XPR1: variants seen among roughly 807,000 people sequenced by gnomAD.
XPR1 encodes the protein xenotropic and polytropic retrovirus receptor 1, also known as solute carrier family 53 member 1.
In XPR1, 28 loss-of-function variants were observed where a neutral mutation model predicts 87.5. The ratio of observed to expected loss-of-function variants is 0.32; its 90% CI spans 0.24 to 0.44. XPR1 has a LOEUF of 0.44. Ranked by LOEUF, XPR1 falls within the 20% of genes least tolerant of loss-of-function variation. XPR1 has a pLI of 1.00. For missense variants in XPR1, 559 were observed against 862.3 expected (o/e 0.65, Z 4.41); for synonymous variants, 300 against 306.1 (o/e 0.98, Z 0.21).
At chr1:180,799,001 C>G (rs1460343375) in intron 3 of XPR1, among the ~76,000 whole-genome samples, 39 of 152,104 alleles carry the variant, frequency 2.6e-4, no homozygotes, top group Admixed American at 2.6e-3. Flanking sequence ...GCTTGTTGCT[C>G]CTATTATGTT....
intron 2 of XPR1, among the ~76,000 whole-genome samples, chr1:180,748,382 C>G (rs900099247): frequency 8.7e-6 from 1 of 114,682 alleles, no homozygotes; most frequent in Non-Finnish European, 1.9e-5. Context: ...TTTTGCTACT[C>G]TGTGTTATTA....
chr1:180,859,489 G>C (rs949567715), intron 11 of XPR1, among the ~76,000 whole-genome samples: 12 of 152,216 alleles, frequency 7.9e-5, no homozygotes, highest in African/African-American at 2.9e-4. Flanking sequence ...AGATGTAATT[G>C]CTTGCCTAAA....
intron 1 of XPR1, among the ~76,000 whole-genome samples, chr1:180,672,283 G>T (rs915503986): frequency 6.6e-6 from 1 of 152,112 alleles, no homozygotes; most frequent in East Asian, 1.9e-4. Flanking sequence ...TTACTGACTG[G>T]GTTCTTTTGA....
chr1:180,711,072 C>T (rs1488161603), intron 2 of XPR1, among the ~76,000 whole-genome samples: 4 of 148,972 alleles, frequency 2.7e-5, no homozygotes, highest in African/African-American at 7.5e-5. Flanking sequence ...CGGGCAGAGA[C>T]GCTCCTCACC....
At chr1:180,786,822 T>C (rs1160195498) in intron 2 of XPR1, among the ~76,000 whole-genome samples, 1 of 152,208 alleles carries the variant, frequency 6.6e-6, no homozygotes, top group Non-Finnish European at 1.5e-5. Flanking sequence ...CCTGAAGGTG[T>C]CACTTTGTCA....
At chr1:180,665,878 A>G (rs1353021862) in intron 1 of XPR1, among the ~76,000 whole-genome samples, 1 of 151,788 alleles carries the variant, frequency 6.6e-6, no homozygotes, top group African/African-American at 2.4e-5. Context: ...TTGTGTAGAT[A>G]GTCATTAAAT....
chr1:180,877,512 G>C (rs1011048174), intron 13 of XPR1, among the ~76,000 whole-genome samples: 1 of 152,188 alleles, frequency 6.6e-6, no homozygotes, highest in Non-Finnish European at 1.5e-5. Context: ...ACTGTATACT[G>C]TGTGTGAAAT....
intron 2 of XPR1, among the ~76,000 whole-genome samples, chr1:180,692,677 G>A (rs1002077213): frequency 6.6e-6 from 1 of 152,096 alleles, no homozygotes; most frequent in Non-Finnish European, 1.5e-5. Context: ...AAGAGGCAAG[G>A]TGTACTTCTG....
intron 11 of XPR1, among the ~76,000 whole-genome samples, chr1:180,860,681 G>C (rs1404361566): frequency 2.0e-5 from 3 of 152,022 alleles, no homozygotes; most frequent in African/African-American, 7.2e-5. Flanking sequence ...ACAGACTGGT[G>C]GTTGTCCGTG....
intron 1 of XPR1, among the ~76,000 whole-genome samples, chr1:180,646,336 G>A (rs1349311768): frequency 6.6e-6 from 1 of 151,954 alleles, no homozygotes; most frequent in Non-Finnish European, 1.5e-5. Flanking sequence ...GATGCTCTCA[G>A]TGCAGACACA....
At chr1:180,656,984 C>T (rs1203930420) in intron 1 of XPR1, among the ~76,000 whole-genome samples, 1 of 151,984 alleles carries the variant, frequency 6.6e-6, no homozygotes, top group Non-Finnish European at 1.5e-5. Context: ...CTTTTCTCCA[C>T]ATCCTTGCCA....
chr1:180,762,470 C>A (rs1648082700), intron 2 of XPR1, among the ~76,000 whole-genome samples: 1 of 152,086 alleles, frequency 6.6e-6, no homozygotes, highest in South Asian at 2.1e-4. Flanking sequence ...GTGGACCCAT[C>A]AGCATTCCAG....
chr1:180,683,116 T>A (rs1656638632), intron 2 of XPR1, among the ~76,000 whole-genome samples: 2 of 136,500 alleles, frequency 1.5e-5, no homozygotes, highest in African/African-American at 5.3e-5. Context: ...ATGCTATCCC[T>A]CCCCCCACCC....
At chr1:180,703,344 CA>C (rs1557964788) in intron 2 of XPR1, among the ~76,000 whole-genome samples, 1 of 152,048 alleles carries the variant, frequency 6.6e-6, no homozygotes, top group Non-Finnish European at 1.5e-5. Flanking sequence ...TCCTAGACAT[CA>C]TATATGTATG....
At position 180,884,531 on chromosome 1, in the gene XPR1, C is replaced by T. The variant is rs1278122222; in HGVS notation, c.*465C>T. On this transcript the variant is annotated 3_prime_UTR_variant, in exon 15 of 15. Coordinates refer to ENST00000367590, the MANE Select transcript of XPR1 (RefSeq NM_004736.4). The stretch of plus-strand genomic sequence containing the variant: ...AGAATTTTTTTCTTTCCTTCATACC[C>T]AGCGCAAAGGCACTGGCCGCACTTG... The T allele has an allele frequency of 6.5e-6, 1 of 152,874 alleles. No homozygotes were observed. Among genetic ancestry groups the T allele is most frequent in the Non-Finnish European group, 1.5e-5 (1 of 68,262 alleles). 9.5% of individuals were successfully genotyped at this position (152,874 alleles called of 1,614,324 possible).
At chr1:180,767,724 C>G (rs930456093) in intron 2 of XPR1, among the ~76,000 whole-genome samples, 3 of 152,038 alleles carry the variant, frequency 2.0e-5, no homozygotes, top group African/African-American at 7.2e-5. Flanking sequence ...TGATTCTGTA[C>G]AGTACGTACA....
chr1:180,857,713 G>A (rs936288968), intron 11 of XPR1, among the ~76,000 whole-genome samples: 3 of 151,988 alleles, frequency 2.0e-5, no homozygotes, highest in African/African-American at 7.3e-5. Flanking sequence ...TAGTTCTTCA[G>A]TATATTCTCA....
intron 1 of XPR1, among the ~76,000 whole-genome samples, chr1:180,658,519 T>C (rs1333396623): frequency 6.6e-6 from 1 of 152,214 alleles, no homozygotes; most frequent in Non-Finnish European, 1.5e-5. Context: ...TTTTATCAAA[T>C]GCTTCTTCAA....
At chr1:180,756,581 C>T (rs1647757671) in intron 2 of XPR1, among the ~76,000 whole-genome samples, 2 of 152,134 alleles carry the variant, frequency 1.3e-5, no homozygotes, top group Non-Finnish European at 2.9e-5. Flanking sequence ...TTTACCTTTT[C>T]ATGTTATTGA....
Sources: gnomAD v4.1 joint callset for allele counts (sites outside exome capture counted in the v4.1 genomes callset) on GRCh38, gnomAD v4.1.1 for gene constraint, MANE v1.5 for transcripts, NCBI Gene and HGNC (gene_info 2026-07-23, HGNC 2026-07-21) for gene names.